Variants in NT5DC1 observed in about 807,000 individuals in gnomAD.
The protein encoded by NT5DC1 is 5'-nucleotidase domain containing 1.
A neutral mutation model predicts 59.4 loss-of-function variants in NT5DC1; 42 were observed. The ratio of observed to expected loss-of-function variants is 0.71; its 90% CI spans 0.55 to 0.92. The LOEUF (loss-of-function observed/expected upper bound fraction) is 0.92, where lower values mean the gene tolerates loss of function less well. NT5DC1 is among the 40% of genes least tolerant of loss of function. NT5DC1 has a pLI of 0.00. For missense variants in NT5DC1, 501 were observed against 537.1 expected, an observed-to-expected ratio of 0.93 and a Z score of 0.66; for synonymous variants, 172 against 188.1, an observed-to-expected ratio of 0.91 and a Z score of 0.70.
At chr6:116,230,226 C>T (rs983576288) in intron 8 of NT5DC1, among the ~76,000 whole-genome samples, 2 of 152,096 alleles carry the variant, frequency 1.3e-5, no homozygotes, top group African/African-American at 4.8e-5. Context: ...TTAAAATTTC[C>T]CACATCTTTT....
At chr6:116,167,499 A>G (rs1207879202) in intron 6 of NT5DC1, among the ~76,000 whole-genome samples, 1 of 152,176 alleles carries the variant, frequency 6.6e-6, no homozygotes, top group East Asian at 1.9e-4. Context: ...GGTGTGAGCC[A>G]CCGTGCCCAG....
chr6:116,191,825 A>T (rs1422356459), intron 6 of NT5DC1, among the ~76,000 whole-genome samples: 1 of 151,956 alleles, frequency 6.6e-6, no homozygotes, highest in Admixed American at 6.6e-5. Context: ...TATTCCCCAA[A>T]CCTTAAGGCT....
At chr6:116,227,567 A>C (rs1197990131) in intron 8 of NT5DC1, among the ~76,000 whole-genome samples, 3 of 152,132 alleles carry the variant, frequency 2.0e-5, no homozygotes, top group Non-Finnish European at 4.4e-5. Context: ...GGCTAAACTA[A>C]TTTACAATCC....
chr6:116,101,145 G>A, intron 1 of NT5DC1, 122 bp downstream of exon 1: 2 of 668,700 alleles, frequency 3.0e-6, no homozygotes, highest in Non-Finnish European at 4.8e-6. Context: ...GAGTCTTGCC[G>A]CAGAGCGCGG....
chr6:116,162,066 G>C (rs1409324908), intron 6 of NT5DC1, among the ~76,000 whole-genome samples: 1 of 151,754 alleles, frequency 6.6e-6, no homozygotes, highest in Non-Finnish European at 1.5e-5. Context: ...TTTTTTATTT[G>C]GTTTTCTGCT....
At chr6:116,122,661 G>A (rs978810166) in intron 6 of NT5DC1, among the ~76,000 whole-genome samples, 1 of 152,188 alleles carries the variant, frequency 6.6e-6, no homozygotes, top group Non-Finnish European at 1.5e-5. Flanking sequence ...AAAAATCATA[G>A]TGCCTGTGAT....
chr6:116,111,154 T>C (rs1562118088), intron 4 of NT5DC1, among the ~76,000 whole-genome samples, 198 bp downstream of exon 4: 1 of 152,254 alleles, frequency 6.6e-6, no homozygotes, highest in Non-Finnish European at 1.5e-5. Context: ...CAAAATACTG[T>C]TCACAGAAGA....
intron 6 of NT5DC1, among the ~76,000 whole-genome samples, chr6:116,122,818 A>G (rs1562125894): frequency 2.0e-5 from 3 of 151,744 alleles, no homozygotes; most frequent in South Asian, 4.2e-4. Context: ...TCAGATTTAG[A>G]TTTTTTTTTA....
At chr6:116,219,970 AAAAAAAAAAAAAAAC>A (rs889856177) in intron 6 of NT5DC1, among the ~76,000 whole-genome samples, 1 of 148,268 alleles carries the variant, frequency 6.7e-6, no homozygotes, top group African/African-American at 2.5e-5. Context: ...TCAAAAAAAA[AAAAAAAAAAAAAAAC>A]AACTCTTCTT....
intron 6 of NT5DC1, among the ~76,000 whole-genome samples, chr6:116,191,209 ACTC>A (rs1466088399): frequency 2.6e-5 from 4 of 151,800 alleles, no homozygotes; most frequent in Non-Finnish European, 5.9e-5. Flanking sequence ...GAAATAAACA[ACTC>A]CTACCCTTCC....
intron 1 of NT5DC1, among the ~76,000 whole-genome samples, chr6:116,102,270 A>C (rs889691191): frequency 6.6e-6 from 1 of 152,204 alleles, no homozygotes; most frequent in Non-Finnish European, 1.5e-5. Flanking sequence ...GTCAAAAAAG[A>C]GTGGCTGCCC....
At chr6:116,101,784 T>C (rs1778663061) in intron 1 of NT5DC1, among the ~76,000 whole-genome samples, 1 of 152,184 alleles carries the variant, frequency 6.6e-6, no homozygotes, top group Non-Finnish European at 1.5e-5. Flanking sequence ...CACTATTCCT[T>C]TGGTTTCCCA....
At chr6:116,143,824 A>G (rs2114373719) in intron 6 of NT5DC1, among the ~76,000 whole-genome samples, 1 of 152,260 alleles carries the variant, frequency 6.6e-6, no homozygotes, top group South Asian at 2.1e-4. Context: ...AAAAATTAGG[A>G]CTGTCATTTA....
chr6:116,231,753 T>TAATA, intron 8 of NT5DC1, among the ~76,000 whole-genome samples: 1 of 152,326 alleles, frequency 6.6e-6, no homozygotes, highest in Non-Finnish European at 1.5e-5. Context: ...GGACTATTAT[T>TAATA]AATAAATAAA....
chr6:116,139,969 C>G (rs1779723335), intron 6 of NT5DC1, among the ~76,000 whole-genome samples: 2 of 152,132 alleles, frequency 1.3e-5, no homozygotes, highest in South Asian at 4.2e-4. Flanking sequence ...TTCCATGTGT[C>G]AGGTGTTTTG....
At chr6:116,221,297 T>C (rs1019772065) in intron 7 of NT5DC1, 69 bp downstream of exon 7, 23 of 918,350 alleles carry the variant, frequency 2.5e-5, no homozygotes, top group Non-Finnish European at 3.4e-5. Flanking sequence ...CAGGGCTTTT[T>C]TAAAAGTGTC....
chr6:116,225,353 A>G (rs930525955), intron 8 of NT5DC1, among the ~76,000 whole-genome samples: 3 of 152,238 alleles, frequency 2.0e-5, no homozygotes, highest in Admixed American at 6.5e-5. Flanking sequence ...CCAGGGGATT[A>G]TATGAAACCA....
At chr6:116,135,834 GATATATATATATATATATATAT>G (rs199827970) in intron 6 of NT5DC1, among the ~76,000 whole-genome samples, 20 of 102,358 alleles carry the variant, frequency 2.0e-4, no homozygotes, top group Admixed American at 2.9e-4. Flanking sequence ...TATATTTTCA[GATATATATATATATATATATAT>G]ATATATATAT....
chr6:116,202,233 A>G (rs187269614), intron 6 of NT5DC1, among the ~76,000 whole-genome samples: 3 of 152,108 alleles, frequency 2.0e-5, no homozygotes, highest in Non-Finnish European at 4.4e-5. Flanking sequence ...TTCCTTGCAC[A>G]CACTTGGCTA....
Sources: gnomAD v4.1 joint callset for allele counts (sites outside exome capture counted in the v4.1 genomes callset) on GRCh38, gnomAD v4.1.1 for gene constraint, MANE v1.5 for transcripts, NCBI Gene and HGNC (gene_info 2026-07-23, HGNC 2026-07-21) for gene names.